Variants in OLFM1 observed in about 807,000 individuals in gnomAD.
OLFM1 encodes the protein noelin.
In OLFM1, 9 loss-of-function variants were observed where a neutral mutation model predicts 49.7. That is an observed-to-expected ratio of 0.18 (90% confidence interval 0.11 to 0.32). The LOEUF is 0.32. Among genes scored for constraint, OLFM1 ranks in the 10% least tolerant of loss-of-function variants. The probability of loss-of-function intolerance (pLI) is 1.00; values close to 1 mark genes in which losing one functional copy is unlikely to be tolerated. For missense variants in OLFM1, 369 were observed against 661.8 expected (o/e 0.56, Z 4.85); for synonymous variants, 240 against 271.8 (o/e 0.88, Z 1.15).
chr9:135,112,924 G>A (rs1447417017), intron 5 of OLFM1, among the ~76,000 whole-genome samples: 1 of 152,208 alleles, frequency 6.6e-6, no homozygotes, highest in African/African-American at 2.4e-5. Context: ...GGATGAGCAG[G>A]TGCGGGGAGC....
At chr9:135,092,533 C>T (rs897986814) in intron 2 of OLFM1, among the ~76,000 whole-genome samples, 1 of 152,202 alleles carries the variant, frequency 6.6e-6, no homozygotes, top group Non-Finnish European at 1.5e-5. Flanking sequence ...CCTAACTGAG[C>T]CTTTAATTAT....
intron 2 of OLFM1, among the ~76,000 whole-genome samples, chr9:135,093,091 C>G (rs548457275): frequency 9.2e-5 from 14 of 152,346 alleles, no homozygotes; most frequent in Admixed American, 8.5e-4. Flanking sequence ...CTGGCTTCAC[C>G]TTTAACCCAC....
chr9:135,079,585 A>G (rs1315588136), intron 1 of OLFM1, among the ~76,000 whole-genome samples: 1 of 152,130 alleles, frequency 6.6e-6, no homozygotes, highest in African/African-American at 2.4e-5. Context: ...AGCCTGGGCG[A>G]CAGAGCGAGA....
chr9:135,112,741 G>C (rs1005201975), intron 5 of OLFM1, among the ~76,000 whole-genome samples: 9 of 152,228 alleles, frequency 5.9e-5, no homozygotes, highest in African/African-American at 2.2e-4. Context: ...TGGACACCGT[G>C]GTGTCCTGGG....
At chr9:135,093,908 C>T (rs966933001) in intron 2 of OLFM1, among the ~76,000 whole-genome samples, 1 of 152,198 alleles carries the variant, frequency 6.6e-6, no homozygotes, top group African/African-American at 2.4e-5. Flanking sequence ...GGTTTTAAGG[C>T]AGCTGAATAG....
At chr9:135,078,792 G>A (rs992070763) in intron 1 of OLFM1, among the ~76,000 whole-genome samples, 5 of 152,190 alleles carry the variant, frequency 3.3e-5, no homozygotes, top group African/African-American at 1.2e-4. Context: ...GTACGTGATA[G>A]GGTAAAAGGG....
chr9:135,106,127 C>T (rs1830939266), intron 4 of OLFM1: 1 of 152,568 alleles, frequency 6.6e-6, no homozygotes, highest in Admixed American at 6.5e-5. Flanking sequence ...AGCTTGGGCT[C>T]CTCCCACTGG....
At chr9:135,107,050 T>C (rs908778095) in intron 5 of OLFM1, among the ~76,000 whole-genome samples, 195 bp downstream of exon 5, 2 of 152,164 alleles carry the variant, frequency 1.3e-5, no homozygotes, top group Non-Finnish European at 2.9e-5. Flanking sequence ...GAGCTGTAGA[T>C]CATGGGCCAG....
chr9:135,086,834 GGAC>G, upstream of OLFM1: 1 of 412,824 alleles, frequency 2.4e-6, no homozygotes, highest in East Asian at 7.1e-5. Flanking sequence ...GAGTCAGTAA[GGAC>G]ACCCCCCAAC....
At chr9:135,075,955 GCTAGGCT>G in intron 1 of OLFM1, 3 of 1,413,168 alleles carry the variant, frequency 2.1e-6, no homozygotes, top group Non-Finnish European at 2.8e-6. Context: ...GGGCCAGGGC[GCTAGGCT>G]GGACCTGGGT....
At chr9:135,095,759 A>G in intron 2 of OLFM1, 105 bp from the exon 3 acceptor site, 1 of 1,231,838 alleles carries the variant, frequency 8.1e-7, no homozygotes, top group Non-Finnish European at 1.2e-6. Context: ...TCTGGTTCCC[A>G]GTGTGCTGGC....
Position 135,098,572 on chromosome 9 carries a change from G to T in OLFM1, c.676+67G>T, listed in dbSNP as rs919699411. On this transcript the variant is annotated intron_variant, in intron 4 of 5. Coordinates refer to ENST00000371793, the MANE Select transcript of OLFM1 (RefSeq NM_001282611.2). The surrounding 1 kb of genome is among the most constrained non-coding windows in gnomAD (Gnocchi z 5.6). ...CCTCCGGCACACGCACAGGCTTAGG[G>T]AGTGGTGCTGAAGTGGACAGCGCCC... 2.1e-5 allele frequency: 30 copies of T among 1,446,592 alleles called. No individual in the cohort carries two copies. In the African/African-American group the frequency reaches 3.4e-4, roughly 16 times the overall value. 89.6% of individuals were successfully genotyped at this position (1,446,592 alleles called of 1,614,324 possible).
chr9:135,086,660 T>C (rs746618640), upstream of OLFM1: 16 of 455,964 alleles, frequency 3.5e-5, no homozygotes, highest in South Asian at 2.5e-4. Context: ...CTTCTGTAAA[T>C]GCAAAAGCCC....
chr9:135,098,390 T>A lies in OLFM1; in HGVS notation c.561T>A (p.Asn187Lys). ...TGCAGTTTAAAGAGGAGGTCCAGAA[T>A]CTGACGTCAGTGCTTAACGAGCTGC... ...LVLQFKEEVQ[N>K]LTSVLNELQE... is the part of the protein sequence containing the mutation. The change falls in exon 4 of 6, where the codon AAT becomes AAA. Residue 187 changes from asparagine to lysine, a missense_variant. Around this residue, in one of 3 missense-constraint regions of OLFM1, gnomAD observed 294 missense variants for 567.5 expected, o/e 0.52. Coordinates refer to ENST00000371793, the MANE Select transcript of OLFM1 (RefSeq NM_001282611.2). The surrounding 1 kb of genome is among the most constrained non-coding windows in gnomAD (Gnocchi z 5.6). 1 of 1,613,954 alleles carries A rather than the reference T, an allele frequency of 6.2e-7. No homozygotes were observed. The highest frequency in any genetic ancestry group is 8.5e-7 in the Non-Finnish European group (1 of 1,180,042).
chr9:135,119,565 A>T lies in OLFM1; in HGVS notation c.845A>T (p.Asp282Val). The stretch of plus-strand genomic sequence containing the variant: ...GTACGTGAGTACAAGTCCATGGTTG[A>T]CTTCATGAACACGGACAATTTCACC... Reference protein sequence around the residue: ...RFVREYKSMVDFMNTDNFTSH... With the variant: ...RFVREYKSMVVFMNTDNFTSH... Residue 282 changes from aspartate (D) to valine (V), a missense_variant, in exon 6 of 6, where the codon GAC (aspartate) becomes GTC (valine). Physicochemically the swap from Asp to Val is radical, Grantham distance 152 (BLOSUM62 -3). This residue lies in a region of OLFM1 where 294 missense variants were observed against 567.5 expected (regional missense o/e 0.52). Coordinates refer to ENST00000371793, the MANE Select transcript of OLFM1 (RefSeq NM_001282611.2). The T allele has an allele frequency of 6.2e-7, 1 of 1,614,088 alleles. No homozygotes were observed. Among genetic ancestry groups the T allele is most frequent in the Non-Finnish European group, 8.5e-7 (1 of 1,179,990 alleles).
Position 135,076,060 on chromosome 9 carries a change from T to C in OLFM1, c.96+258T>C, listed in dbSNP as rs553561975. Reference sequence around the variant, plus strand: ...ACAGCTGCCCCCTTTTTCCTAGGACTCCGCTGCCCCCGACTCCCTGCTGAG... The same window carrying C: ...ACAGCTGCCCCCTTTTTCCTAGGACCCCGCTGCCCCCGACTCCCTGCTGAG... On this transcript the variant is annotated intron_variant, in intron 1 of 5. Coordinates refer to the OLFM1 transcript ENST00000252854. The C allele has an allele frequency of 3.8e-5, 55 of 1,452,444 alleles. No individual in the cohort carries two copies. In the Admixed American group the frequency reaches 7.0e-4, roughly 19 times the overall value. 90.0% of individuals were successfully genotyped at this position (1,452,444 alleles called of 1,614,324 possible).
intron 5 of OLFM1, among the ~76,000 whole-genome samples, chr9:135,109,116 T>C (rs1830987173): frequency 6.6e-6 from 1 of 152,178 alleles, no homozygotes; most frequent in Non-Finnish European, 1.5e-5. Flanking sequence ...CCCCCAGGAC[T>C]GGACTGCTTT....
chr9:135,088,108 C>T lies in OLFM1; in HGVS notation c.119C>T (p.Ala40Val). The change falls in exon 1 of 6, where the codon GCC (alanine) becomes GTC (valine). Residue 40 changes from alanine (A) to valine (V), a missense_variant. This residue lies in a region of OLFM1 where 55 missense variants were observed against 53.3 expected (regional missense o/e 1.03). Coordinates refer to ENST00000371793, the MANE Select transcript of OLFM1 (RefSeq NM_001282611.2). The surrounding 1 kb of genome is among the most constrained non-coding windows in gnomAD (Gnocchi z 4.8). ...CTCAACACCACCAAGCTCTCGGCGG[C>T]CGGCGGCGGGACGCTGGACCGCAGC... is the stretch of plus-strand genomic sequence containing the variant. ...VGLNTTKLSA[A>V]GGGTLDRSTG... 4 of 1,411,144 alleles carry T rather than the reference C, an allele frequency of 2.8e-6. No individual in the cohort carries two copies. The highest frequency in any genetic ancestry group is 3.1e-5 in the East Asian group (1 of 32,448). 87.4% of individuals were successfully genotyped at this position (1,411,144 alleles called of 1,614,324 possible).
chr9:135,085,584 A>G (rs1297134436), upstream of OLFM1, among the ~76,000 whole-genome samples: 1 of 152,258 alleles, frequency 6.6e-6, no homozygotes, highest in Non-Finnish European at 1.5e-5. Context: ...CTGCCCCATC[A>G]GCATCCGTAT....
Sources: allele counts gnomAD v4.1 joint callset (sites outside exome capture counted in the v4.1 genomes callset), GRCh38; gene constraint gnomAD v4.1.1; regional missense constraint gnomAD v4.1.1; non-coding constraint Gnocchi (gnomAD v3.1); transcripts MANE v1.5; gene names NCBI Gene and HGNC (gene_info 2026-07-23, HGNC 2026-07-21).